Variants in SLC48A1 observed in about 807,000 individuals in gnomAD.
SLC48A1 encodes the protein heme transporter HRG1.
A neutral mutation model predicts 14.8 loss-of-function variants in SLC48A1; 6 were observed. The ratio of observed to expected loss-of-function variants is 0.41; its 90% CI spans 0.22 to 0.80. The LOEUF is 0.80. Ranked by LOEUF, SLC48A1 falls within the 30% of genes least tolerant of loss-of-function variation. SLC48A1 has a pLI of 0.34. For synonymous variants in SLC48A1, 89 were observed against 90.0 expected (o/e 0.99, Z 0.06); for missense variants, 165 against 204.8 (o/e 0.81, Z 1.19).
chr12:47,768,157 T>C (rs543154426), upstream of SLC48A1, among the ~76,000 whole-genome samples: 1 of 152,244 alleles, frequency 6.6e-6, no homozygotes, highest in South Asian at 2.1e-4. Context: ...TTTGTATTTT[T>C]AGTAGAGATG....
At chr12:47,760,056 G>A (rs185290411) in intron 1 of SLC48A1, among the ~76,000 whole-genome samples, 30 of 152,252 alleles carry the variant, frequency 2.0e-4, no homozygotes, top group Admixed American at 1.9e-3. Flanking sequence ...TGAAAGTGGG[G>A]AGAGAAATTT....
Position 47,780,709 on chromosome 12 carries a change from G to A in SLC48A1, c.*428G>A, listed in dbSNP as rs2136873764. ...GGCCTCTCAAGTAGCTGGGATTACA[G>A]GCATCTGCCACCATGCCCGGCAAAT... On this transcript the variant is annotated 3_prime_UTR_variant, in exon 3 of 3. Coordinates refer to ENST00000442218, the MANE Select transcript of SLC48A1 (RefSeq NM_017842.3). 2.5e-6 allele frequency: 1 copy of A among 396,142 alleles called. No homozygotes were observed. Among genetic ancestry groups the A allele is most frequent in the Non-Finnish European group, 5.0e-6 (1 of 201,172 alleles). The allele number at this position is 396,142 out of a possible 1,614,324, so 24.5% of individuals were successfully genotyped here.
chr12:47,758,587 G>A, exon 1 of SLC48A1: 2 of 1,613,524 alleles, frequency 1.2e-6, no homozygotes, highest in Non-Finnish European at 1.7e-6. Flanking sequence ...AGCCGTGCAG[G>A]CTCTAGCAAA....
intron 1 of SLC48A1, chr12:47,778,241 G>A (rs1269557931): frequency 6.6e-6 from 1 of 152,512 alleles, no homozygotes; most frequent in East Asian, 1.9e-4. Flanking sequence ...GCAGAGGCCA[G>A]GCCCAGGAAA....
chr12:47,779,122 G>T lies in SLC48A1; in HGVS notation c.231G>T (p.Val77=). Residue 77 remains valine, a synonymous_variant, in exon 2 of 3, where the codon GTG becomes GTT. Coordinates refer to ENST00000442218, the MANE Select transcript of SLC48A1 (RefSeq NM_017842.3). ...AGGGGCTGCGCGGCTTCTTCTTCGTGGGCGTCCTCTTCTCGGCCGTCTCCA... is the reference window on the plus strand; with the variant it reads ...AGGGGCTGCGCGGCTTCTTCTTCGTTGGCGTCCTCTTCTCGGCCGTCTCCA... ...WLKGLRGFFF[V]GVLFSAVSIA... 1 of 1,551,834 alleles carries T rather than the reference G, an allele frequency of 6.4e-7. No homozygotes were observed. The highest frequency in any genetic ancestry group is 1.4e-5 in the African/African-American group (1 of 73,150).
chr12:47,756,736 C>T (rs559115913), upstream of SLC48A1, among the ~76,000 whole-genome samples: 3 of 152,152 alleles, frequency 2.0e-5, no homozygotes, highest in East Asian at 3.9e-4. Flanking sequence ...TTTGGGAGGG[C>T]GAGGTGGGCA....
chr12:47,775,516 G>T (rs1284203938), intron 1 of SLC48A1, among the ~76,000 whole-genome samples: 1 of 152,228 alleles, frequency 6.6e-6, no homozygotes, highest in Non-Finnish European at 1.5e-5. Context: ...CAGGGAGAGG[G>T]GTTGCCAAGC....
At chr12:47,756,753 G>A (rs12817548), upstream of SLC48A1, among the ~76,000 whole-genome samples, 19,576 of 152,064 alleles carry the variant, frequency 0.13, 1,344 homozygotes, top group Middle Eastern at 0.15. Context: ...GGCAGATCAC[G>A]AGGTCAAGCG....
chr12:47,773,711 G>A (rs1455233713), intron 1 of SLC48A1, among the ~76,000 whole-genome samples: 1 of 152,210 alleles, frequency 6.6e-6, no homozygotes, highest in Non-Finnish European at 1.5e-5. Context: ...CGCCGCCCGG[G>A]TTATCTGTCA....
chr12:47,767,535 C>T (rs540692819), upstream of SLC48A1, among the ~76,000 whole-genome samples: 13 of 152,262 alleles, frequency 8.5e-5, no homozygotes, highest in African/African-American at 3.1e-4. Flanking sequence ...TGTGGTAAAA[C>T]TGGAAGAGTC....
chr12:47,776,522 G>C (rs1942758083), intron 1 of SLC48A1, among the ~76,000 whole-genome samples: 1 of 152,226 alleles, frequency 6.6e-6, no homozygotes, highest in African/African-American at 2.4e-5. Context: ...GGTAGGGCTG[G>C]TGGAGAGCTC....
upstream of SLC48A1, among the ~76,000 whole-genome samples, chr12:47,772,963 T>A (rs1942657345): frequency 6.6e-6 from 1 of 152,148 alleles, no homozygotes; most frequent in Admixed American, 6.5e-5. Context: ...AGATTTTTAA[T>A]CCTCGCGGTT....
chr12:47,769,021 A>G (rs1386448636), upstream of SLC48A1: 1 of 152,228 alleles, frequency 6.6e-6, no homozygotes, highest in African/African-American at 2.4e-5. Flanking sequence ...GGTTCTTTCC[A>G]TTATGTGGTA....
upstream of SLC48A1, among the ~76,000 whole-genome samples, chr12:47,767,519 A>G (rs150063221): frequency 3.3e-5 from 5 of 152,330 alleles, no homozygotes; most frequent in East Asian, 9.6e-4. Context: ...GGGACGTGGA[A>G]CTTTTTGTGG....
At chr12:47,766,379 C>A (rs1214685879) in intron 2 of SLC48A1, among the ~76,000 whole-genome samples, 1 of 152,210 alleles carries the variant, frequency 6.6e-6, no homozygotes, top group African/African-American at 2.4e-5. Flanking sequence ...CTGCCCCTGG[C>A]AGCTTCCAAG....
At chr12:47,756,997 GA>G (rs1942106773), upstream of SLC48A1, among the ~76,000 whole-genome samples, 1 of 151,556 alleles carries the variant, frequency 6.6e-6, no homozygotes, top group Admixed American at 6.6e-5. Flanking sequence ...AAAGAAAAAA[GA>G]AATGAACTCT....
chr12:47,779,438 A>G (rs3759408), intron 2 of SLC48A1, among the ~76,000 whole-genome samples: 24,480 of 152,146 alleles, frequency 0.16, 2,158 homozygotes, highest in Non-Finnish European at 0.19. Context: ...CACTCCTGAT[A>G]TTGGGACCCA....
chr12:47,775,625 T>TA (rs1942735281), intron 1 of SLC48A1, among the ~76,000 whole-genome samples: 2 of 151,878 alleles, frequency 1.3e-5, no homozygotes, highest in South Asian at 4.1e-4. Context: ...GCAGATTAAC[T>TA]AACGTGTGAG....
At chr12:47,760,422 G>C in intron 2 of SLC48A1, 1 of 985,262 alleles carries the variant, frequency 1.0e-6, no homozygotes, top group Non-Finnish European at 1.2e-6. Context: ...GGAAGAGTTA[G>C]GGGGATGGAG....
Sources: gnomAD v4.1 joint callset for allele counts (sites outside exome capture counted in the v4.1 genomes callset) on GRCh38, gnomAD v4.1.1 for gene constraint, MANE v1.5 for transcripts, NCBI Gene and HGNC (gene_info 2026-07-23, HGNC 2026-07-21) for gene names.